STK31: variants seen among roughly 807,000 people sequenced by gnomAD.
The protein encoded by STK31 is serine/threonine-protein kinase 31.
STK31 carries 89 observed loss-of-function variants against 129.7 expected under a neutral mutation model. The observed-to-expected ratio is 0.69, with a 90% CI of 0.58 to 0.82. STK31 has a LOEUF of 0.82. Among genes scored for constraint, STK31 ranks in the 40% least tolerant of loss-of-function variants. STK31 has a pLI of 0.00. For missense variants in STK31, 1,187 were observed against 1,176.4 expected, an observed-to-expected ratio of 1.01 and a Z score of -0.13; for synonymous variants, 448 against 395.3, an observed-to-expected ratio of 1.13 and a Z score of -1.58.
intron 10 of STK31, among the ~76,000 whole-genome samples, chr7:23,759,222 G>A (rs1215726326): frequency 7.9e-5 from 12 of 152,104 alleles, no homozygotes; most frequent in Admixed American, 7.2e-4. Context: ...TTAGATCAAC[G>A]AGACAGAAAA....
intron 20 of STK31, among the ~76,000 whole-genome samples, chr7:23,787,270 T>C (rs62470068): frequency 0.24 from 36,172 of 152,052 alleles, 4,912 homozygotes; most frequent in East Asian, 0.39. Context: ...GTGGCAGCTT[T>C]AATTTTTGTC....
At chr7:23,766,595 C>T (rs1285714576) in intron 11 of STK31, among the ~76,000 whole-genome samples, 1 of 152,132 alleles carries the variant, frequency 6.6e-6, no homozygotes, top group Non-Finnish European at 1.5e-5. Flanking sequence ...CTTTGTTCTT[C>T]TGTGATCTTT....
At chr7:23,748,376 T>C (rs139371260) in intron 8 of STK31, among the ~76,000 whole-genome samples, 1 of 152,328 alleles carries the variant, frequency 6.6e-6, no homozygotes, top group East Asian at 1.9e-4. Flanking sequence ...GGTGGCGTAT[T>C]TTGGTGAATC....
intron 22 of STK31, chr7:23,811,475 G>A: frequency 6.4e-6 from 2 of 313,338 alleles, no homozygotes; most frequent in Non-Finnish European, 6.5e-6. Flanking sequence ...TGTGCTTTCA[G>A]TACCTTCACC....
intron 17 of STK31, 140 bp from the exon 18 acceptor site, chr7:23,785,338 T>C: frequency 8.3e-7 from 1 of 1,210,654 alleles, no homozygotes; most frequent in Non-Finnish European, 1.1e-6. Context: ...TACACAGTTT[T>C]AAAGATTTTA....
intron 3 of STK31, among the ~76,000 whole-genome samples, chr7:23,716,726 T>C (rs1426755353): frequency 1.3e-5 from 2 of 152,012 alleles, no homozygotes; most frequent in Admixed American, 1.3e-4. Context: ...GCCTTGGCCA[T>C]TGGGACAAAG....
intron 22 of STK31, among the ~76,000 whole-genome samples, chr7:23,796,035 G>A (rs1201528838): frequency 6.6e-6 from 1 of 152,204 alleles, no homozygotes; most frequent in South Asian, 2.1e-4. Context: ...GAGAAGGCAT[G>A]ATTGTTTTTG....
intron 22 of STK31, among the ~76,000 whole-genome samples, chr7:23,813,235 C>G (rs1450250204): frequency 6.6e-6 from 1 of 152,088 alleles, no homozygotes; most frequent in East Asian, 1.9e-4. Context: ...CTTTGTAGTT[C>G]TGTAACTTTC....
chr7:23,737,295 A>G (rs1315123022), intron 8 of STK31, among the ~76,000 whole-genome samples: 1 of 152,208 alleles, frequency 6.6e-6, no homozygotes, highest in African/African-American at 2.4e-5. Context: ...TTTCTCATTT[A>G]CATTTCCCTT....
chr7:23,717,337 A>G, intron 3 of STK31, 144 bp from the exon 4 acceptor site: 1 of 482,354 alleles, frequency 2.1e-6, no homozygotes, highest in Non-Finnish European at 3.6e-6. Flanking sequence ...ACTCATTTAA[A>G]TTATGAAAAA....
intron 8 of STK31, among the ~76,000 whole-genome samples, 157 bp from the exon 9 acceptor site, chr7:23,752,560 C>T (rs1456172866): frequency 6.6e-6 from 1 of 152,152 alleles, no homozygotes; most frequent in Non-Finnish European, 1.5e-5. Flanking sequence ...AGGCTGGTCT[C>T]AAACTTCTGA....
intron 22 of STK31, among the ~76,000 whole-genome samples, chr7:23,798,319 A>T (rs550823961): frequency 2.0e-5 from 3 of 152,298 alleles, no homozygotes; most frequent in East Asian, 1.9e-4. Flanking sequence ...TCAGGCCAAT[A>T]TCCCTGATGA....
Position 23,808,968 on chromosome 7 carries a change from T to TGTGTGTGTGTGTGTGTGTGTGC in STK31, c.2761-6173_2761-6172insTGTGTGTGTGTGTGTGTGCGTG, listed in dbSNP as rs1562621496. ...TTGTGTGTGTGTGTGTGTGTGTGTG[T>TGTGTGTGTGTGTGTGTGTGTGC]GTGCCTGTGTCTGTTGGCATTTCTG... On this transcript the variant is annotated intron_variant, in intron 22 of 23. Coordinates refer to ENST00000355870, the MANE Select transcript of STK31 (RefSeq NM_031414.5). Among the ~76,000 whole-genome samples the TGTGTGTGTGTGTGTGTGTGTGC allele has an allele frequency of 5.4e-5, 7 of 130,554 alleles. No individual in the cohort carries two copies. In the East Asian group the frequency reaches 1.6e-3, roughly 30 times the overall value. 85.6% of individuals were successfully genotyped at this position (130,554 alleles called of 152,430 possible).
chr7:23,731,174 C>A (rs1007354433), intron 6 of STK31, among the ~76,000 whole-genome samples: 1 of 151,544 alleles, frequency 6.6e-6, no homozygotes, highest in African/African-American at 2.4e-5. Context: ...ATGAGCCACC[C>A]GGCTAAACAT....
At chr7:23,773,718 TGTG>T (rs756899343) in intron 15 of STK31, among the ~76,000 whole-genome samples, 305 of 99,628 alleles carry the variant, frequency 3.1e-3, no homozygotes, top group Non-Finnish European at 4.6e-3. Flanking sequence ...TTTCCTGACT[TGTG>T]TGTGTGTGTG....
Position 23,790,835 on chromosome 7 carries a change from C to T in STK31, c.2649C>T (p.Ala883=), listed in dbSNP as rs1364146459. 11 of 1,595,254 alleles carry T rather than the reference C, an allele frequency of 6.9e-6. No individual in the cohort carries two copies. The highest frequency in any genetic ancestry group is 9.4e-6 in the Non-Finnish European group (11 of 1,173,828). The change falls in exon 22 of 24, where the codon GCC becomes GCT. Residue 883 remains alanine, a synonymous_variant. Transcript: ENST00000355870. The part of the protein sequence containing the change: ...FDFTKSVSQR[A]SVNMMVGDLS... ...TATTGTTTTTGCAGAGTCAGCGAGC[C>T]TCGGTGAACATGATGGTTGGTGACT...
intron 22 of STK31, among the ~76,000 whole-genome samples, chr7:23,814,414 T>G (rs1793342389): frequency 6.6e-6 from 1 of 152,064 alleles, no homozygotes; most frequent in Middle Eastern, 3.2e-3. Context: ...AAAAGTAAAC[T>G]AATTTGATAT....
chr7:23,720,750 A>G (rs766026439), intron 4 of STK31, among the ~76,000 whole-genome samples: 2 of 152,230 alleles, frequency 1.3e-5, no homozygotes, highest in African/African-American at 2.4e-5. Context: ...GTAAAATTTC[A>G]TAAAATTTGT....
chr7:23,744,721 G>T (rs1054304819), intron 8 of STK31, among the ~76,000 whole-genome samples: 2 of 152,296 alleles, frequency 1.3e-5, no homozygotes, highest in Admixed American at 1.3e-4. Context: ...ATAGTCAGTG[G>T]CGTTTGTGAT....
Sources: gnomAD v4.1 joint callset for allele counts (sites outside exome capture counted in the v4.1 genomes callset) on GRCh38, gnomAD v4.1.1 for gene constraint, MANE v1.5 for transcripts, NCBI Gene and HGNC (gene_info 2026-07-23, HGNC 2026-07-21) for gene names.